Variants in MACROD2 observed in about 807,000 individuals in gnomAD.
The protein encoded by MACROD2 is ADP-ribose glycohydrolase MACROD2.
A neutral mutation model predicts 70.4 loss-of-function variants in MACROD2; 36 were observed. The ratio of observed to expected loss-of-function variants is 0.51; its 90% CI spans 0.39 to 0.68. The LOEUF is 0.68. MACROD2 is among the 30% of genes least tolerant of loss of function. The pLI, the probability that MACROD2 is intolerant of heterozygous loss-of-function variation, is 0.00. For synonymous variants in MACROD2, 172 were observed against 178.8 expected (o/e 0.96, Z 0.30); for missense variants, 496 against 538.4 (o/e 0.92, Z 0.78).
At chr20:15,595,203 A>C (rs1327214313) in intron 8 of MACROD2, among the ~76,000 whole-genome samples, 1 of 152,240 alleles carries the variant, frequency 6.6e-6, no homozygotes, top group Non-Finnish European at 1.5e-5. Flanking sequence ...TCCACTGCAC[A>C]ACAGTGTGAC....
intron 6 of MACROD2, among the ~76,000 whole-genome samples, chr20:15,382,526 C>T (rs766107539): frequency 6.6e-6 from 1 of 152,236 alleles, no homozygotes; most frequent in African/African-American, 2.4e-5. Context: ...TATGAATAAA[C>T]GTAGACAGGA....
chr20:15,429,990 T>C (rs936197509), intron 6 of MACROD2, among the ~76,000 whole-genome samples: 4 of 152,108 alleles, frequency 2.6e-5, no homozygotes, highest in Admixed American at 2.0e-4. Flanking sequence ...GTACTCATTT[T>C]TTAGCTACCA....
At chr20:15,522,704 G>A (rs1029051853) in intron 8 of MACROD2, among the ~76,000 whole-genome samples, 1 of 152,166 alleles carries the variant, frequency 6.6e-6, no homozygotes, top group Non-Finnish European at 1.5e-5. Flanking sequence ...CAGAAAATTA[G>A]TAGGGTTGGA....
At chr20:14,210,385 G>C (rs2122130761) in intron 3 of MACROD2, among the ~76,000 whole-genome samples, 1 of 152,330 alleles carries the variant, frequency 6.6e-6, no homozygotes, top group South Asian at 2.1e-4. Flanking sequence ...GTGAGAGACA[G>C]TTGGAGGCTG....
intron 8 of MACROD2, among the ~76,000 whole-genome samples, chr20:15,616,999 C>G (rs1451616303): frequency 6.6e-6 from 1 of 152,188 alleles, no homozygotes; most frequent in Non-Finnish European, 1.5e-5. Context: ...ATCTCCTTAG[C>G]TATGGTAGAA....
intron 8 of MACROD2, among the ~76,000 whole-genome samples, chr20:15,539,553 GT>G (rs1457268961): frequency 6.6e-6 from 1 of 152,190 alleles, no homozygotes; most frequent in African/African-American, 2.4e-5. Flanking sequence ...TTAAAGTAAG[GT>G]TTGAGTGGAG....
At chr20:14,640,964 G>A (rs1009582701) in intron 4 of MACROD2, among the ~76,000 whole-genome samples, 1 of 152,122 alleles carries the variant, frequency 6.6e-6, no homozygotes, top group Non-Finnish European at 1.5e-5. Context: ...TTGACACATG[G>A]ATTGACTCTT....
chr20:15,979,733 G>C (rs766241518), intron 13 of MACROD2, among the ~76,000 whole-genome samples: 28 of 152,158 alleles, frequency 1.8e-4, no homozygotes, highest in Non-Finnish European at 3.1e-4. Flanking sequence ...TGCTACAGGG[G>C]AGGGTAGGAG....
intron 8 of MACROD2, among the ~76,000 whole-genome samples, chr20:15,749,299 A>G (rs2051232579): frequency 6.6e-6 from 1 of 152,130 alleles, no homozygotes; most frequent in African/African-American, 2.4e-5. Context: ...TTTTTGAGTG[A>G]TTATGTGCAA....
chr20:13,997,792 T>G (rs369787741), intron 1 of MACROD2, among the ~76,000 whole-genome samples: 10 of 152,198 alleles, frequency 6.6e-5, no homozygotes, highest in African/African-American at 2.4e-4. Context: ...ACGAAGACTT[T>G]AATGCATATC....
At chr20:15,241,505 G>C (rs2077059177) in intron 6 of MACROD2, among the ~76,000 whole-genome samples, 1 of 152,044 alleles carries the variant, frequency 6.6e-6, no homozygotes, top group African/African-American at 2.4e-5. Context: ...TCCAGCAAGT[G>C]GCAATTCTAT....
At chr20:14,908,528 A>C (rs1017590358) in intron 5 of MACROD2, among the ~76,000 whole-genome samples, 34 of 151,306 alleles carry the variant, frequency 2.2e-4, no homozygotes, top group African/African-American at 7.5e-4. Context: ...GTTGTCAAAC[A>C]CCTGTAGTCC....
intron 4 of MACROD2, among the ~76,000 whole-genome samples, chr20:14,599,166 A>C (rs1274589155): frequency 1.3e-5 from 2 of 152,168 alleles, no homozygotes; most frequent in Non-Finnish European, 2.9e-5. Flanking sequence ...TACAGTAATA[A>C]AAATATTTTT....
intron 7 of MACROD2, among the ~76,000 whole-genome samples, chr20:15,481,673 G>A (rs1335715703): frequency 4.0e-5 from 6 of 150,270 alleles, no homozygotes; most frequent in Admixed American, 2.0e-4. Context: ...TAAAGTCATA[G>A]AAAATAAACA....
rs1417642924 is a variant in MACROD2, at chr20:15,064,314, C to T, written c.419-165626C>T. Among the ~76,000 whole-genome samples, 3 of 152,088 alleles carry T rather than the reference C, an allele frequency of 2.0e-5. No homozygotes were observed. In the South Asian group the frequency reaches 6.2e-4, roughly 32 times the overall value. On this transcript the variant is annotated intron_variant, in intron 5 of 17. Coordinates refer to ENST00000684519, the MANE Select transcript of MACROD2 (RefSeq NM_001351661.2). ...GGCAAAGCTAGAAGCTGCAAGGCCA[C>T]CCCAGAACCACCAAGCCCAGTGGAA...
Position 15,667,499 on chromosome 20 carries a change from GTATC to G in MACROD2, c.645+167676_645+167679del, listed in dbSNP as rs76898460. Among the ~76,000 whole-genome samples the G allele has an allele frequency of 4.5e-3, 679 of 150,352 alleles. 6 individuals carry two copies. Among genetic ancestry groups the G allele is most frequent in the Middle Eastern group, 0.024 (7 of 292 alleles). On this transcript the variant is annotated intron_variant, in intron 8 of 17. Transcript: ENST00000684519. Reference sequence around the variant, plus strand: ...TCTATGTATCTATGTATCTATCTATGTATCTATCTATCTATCTATCTATCTATGA... The same window carrying G: ...TCTATGTATCTATGTATCTATCTATGTATCTATCTATCTATCTATCTATGA...
chr20:15,208,774 T>G (rs921418847), intron 5 of MACROD2, among the ~76,000 whole-genome samples: 7 of 152,190 alleles, frequency 4.6e-5, no homozygotes, highest in Non-Finnish European at 1.0e-4. Context: ...CCCAGTTAGC[T>G]TCCACTGACC....
At chr20:15,359,087 G>A (rs942895593) in intron 6 of MACROD2, among the ~76,000 whole-genome samples, 5 of 152,210 alleles carry the variant, frequency 3.3e-5, no homozygotes, top group Admixed American at 2.6e-4. Flanking sequence ...AACAGCCACC[G>A]ACCTGATTTT....
At chr20:14,540,598 G>T (rs561797373) in intron 4 of MACROD2, among the ~76,000 whole-genome samples, 2 of 152,276 alleles carry the variant, frequency 1.3e-5, no homozygotes, top group South Asian at 4.1e-4. Context: ...AATCCTGCCA[G>T]TCTCTGATTG....
Sources: gnomAD v4.1 joint callset for allele counts (sites outside exome capture counted in the v4.1 genomes callset) on GRCh38, gnomAD v4.1.1 for gene constraint, MANE v1.5 for transcripts, NCBI Gene and HGNC (gene_info 2026-07-23, HGNC 2026-07-21) for gene names.